ASB11: variants seen among roughly 807,000 people sequenced by gnomAD.
The protein encoded by ASB11 is ankyrin repeat and SOCS box protein 11.
In ASB11, 17 loss-of-function variants were observed where a neutral mutation model predicts 20.1. The ratio of observed to expected loss-of-function variants is 0.85; its 90% CI spans 0.58 to 1.27. The LOEUF (loss-of-function observed/expected upper bound fraction) is 1.27. Ranked by LOEUF, ASB11 falls within the 50% of genes most tolerant of loss-of-function variation. ASB11 has a pLI of 0.00. For synonymous variants in ASB11, 107 were observed against 105.6 expected, an observed-to-expected ratio of 1.01 and a Z score of -0.08; for missense variants, 259 against 256.9, an observed-to-expected ratio of 1.01 and a Z score of -0.06.
At chrX:15,314,377 A>T (rs1432882146) in intron 1 of ASB11, 5 of 1,170,971 alleles carry the variant, frequency 4.3e-6, no homozygotes, top group Non-Finnish European at 5.7e-6. Context: ...ACCTCCCTGA[A>T]ATGTGTGACA....
chrX:15,313,906 G>T (rs1394407945), intron 1 of ASB11, among the ~76,000 whole-genome samples: 2 of 110,191 alleles, frequency 1.8e-5, no homozygotes, highest in Non-Finnish European at 3.8e-5. Flanking sequence ...AAAAAAATTA[G>T]CTGGGCATGG....
At chrX:15,284,077 C>T (rs182460244) in intron 6 of ASB11, among the ~76,000 whole-genome samples, 21,023 of 104,876 alleles carry the variant, frequency 0.2, 1,760 homozygotes, top group East Asian at 0.4. Flanking sequence ...ACGGTGAAAC[C>T]CCGTGTCCAC....
At chrX:15,311,075 C>A (rs1349420011) in intron 1 of ASB11, among the ~76,000 whole-genome samples, 1 of 112,577 alleles carries the variant, frequency 8.9e-6, no homozygotes, top group Non-Finnish European at 1.9e-5. Context: ...TAATTTTGAA[C>A]CAAAATACAG....
chrX:15,285,423 G>A (rs181379002), intron 6 of ASB11, among the ~76,000 whole-genome samples: 1,598 of 110,061 alleles, frequency 0.015, 35 homozygotes, highest in African/African-American at 0.05. Context: ...ACAGGTGTGA[G>A]CCACCGCGCC....
Position 15,283,739 on chromosome X carries a change from C to G in ASB11, c.848-110G>C, listed in dbSNP as rs150900542. 2.9e-3 allele frequency: 2,647 copies of G among 908,975 alleles called. 42 individuals are homozygous for G. In the African/African-American group the frequency reaches 0.044, roughly 15 times the overall value. The allele number at this position is 908,975 out of a possible 1,213,427, so 74.9% of individuals were successfully genotyped here. A position where few individuals can be genotyped will look rare whatever the true frequency, so the allele number is the denominator to read the frequency against. ...AAATTTTCTAAAAGCAGAAGAGAAG[C>G]TGGATCTGTATAGGAACTATAGAAT... On this transcript the variant is annotated intron_variant, in intron 6 of 6. Coordinates refer to ENST00000480796, the MANE Select transcript of ASB11 (RefSeq NM_080873.3).
At chrX:15,314,299 T>C in intron 1 of ASB11, 3 of 1,079,625 alleles carry the variant, frequency 2.8e-6, no homozygotes, top group Non-Finnish European at 3.6e-6. Context: ...TTTCAGATCA[T>C]GCTTAACTTG....
chrX:15,297,725 G>A, intron 2 of ASB11, 44 bp from the exon 3 acceptor site: 1 of 1,137,503 alleles, frequency 8.8e-7, no homozygotes, highest in Non-Finnish European at 1.2e-6. Flanking sequence ...TTTACAGACT[G>A]GGGTCTCACT....
At chrX:15,286,600 G>A (rs540394082) in intron 6 of ASB11, among the ~76,000 whole-genome samples, 2 of 104,174 alleles carry the variant, frequency 1.9e-5, no homozygotes, top group East Asian at 3.0e-4. Flanking sequence ...GGGAGGCAGA[G>A]GTTGCAGTGA....
At chrX:15,284,114 T>A (rs868132175) in intron 6 of ASB11, among the ~76,000 whole-genome samples, 1 of 106,197 alleles carries the variant, frequency 9.4e-6, no homozygotes, top group Non-Finnish European at 1.9e-5. Flanking sequence ...TAGCCGGGTG[T>A]GGTGGCGGGT....
intron 1 of ASB11, chrX:15,314,334 T>C: frequency 1.9e-6 from 2 of 1,051,524 alleles, no homozygotes; most frequent in Non-Finnish European, 1.2e-6. Context: ...CATTACTTTT[T>C]TTTTTTTTTT....
Position 15,288,051 on chromosome X carries a change from T to C in ASB11, c.677A>G (p.Gln226Arg). 2 of 1,210,077 alleles carry C rather than the reference T, an allele frequency of 1.7e-6. No homozygotes were observed. The highest frequency in any genetic ancestry group is 2.2e-6 in the Non-Finnish European group (2 of 894,693). Residue 226 changes from glutamine to arginine, a missense_variant, in exon 6 of 7, where the codon CAG becomes CGG. Transcript: ENST00000480796. ...LELGASVDHG[Q>R]WLDTPLHAAA... ...AGCATGGAGTGGGGTGTCCAGCCAC[T>C]GGCCATGGTCGACACTGGCTCCTTA...
intron 1 of ASB11, among the ~76,000 whole-genome samples, chrX:15,312,488 T>G (rs752010906): frequency 1.3e-5 from 1 of 78,335 alleles, no homozygotes; most frequent in Non-Finnish European, 2.4e-5. Flanking sequence ...ATGAGGCATG[T>G]GGTGTTAAAT....
intron 1 of ASB11, chrX:15,314,523 A>G (rs748818837): frequency 2.3e-5 from 27 of 1,172,413 alleles, no homozygotes; most frequent in Non-Finnish European, 3.0e-5. Flanking sequence ...ATTTCTTTAG[A>G]TAAGACTGCT....
At chrX:15,288,684 G>C (rs773903395) in intron 5 of ASB11, among the ~76,000 whole-genome samples, 157 of 110,875 alleles carry the variant, frequency 1.4e-3, no homozygotes, top group Admixed American at 3.1e-3. Flanking sequence ...AGGAGTTCGA[G>C]ACCAGCCTGG....
chrX:15,311,201 T>C (rs1218739237), intron 1 of ASB11, among the ~76,000 whole-genome samples: 1 of 112,394 alleles, frequency 8.9e-6, no homozygotes, highest in African/African-American at 3.2e-5. Flanking sequence ...AAATAAATAT[T>C]CTCCAGAATG....
chrX:15,286,537 C>T (rs1358612033), intron 6 of ASB11, among the ~76,000 whole-genome samples: 2 of 108,167 alleles, frequency 1.8e-5, no homozygotes, highest in African/African-American at 3.4e-5. Context: ...TGGTGGTGCA[C>T]GCCTGTAGTC....
At chrX:15,311,339 G>A (rs746154724) in intron 1 of ASB11, among the ~76,000 whole-genome samples, 9 of 112,505 alleles carry the variant, frequency 8.0e-5, no homozygotes, top group Admixed American at 4.7e-4. Flanking sequence ...GGAGACTGGT[G>A]GAAGGTAGAG....
intron 1 of ASB11, among the ~76,000 whole-genome samples, chrX:15,305,613 A>ATAGT (rs1382354924): frequency 9.1e-6 from 1 of 110,139 alleles, no homozygotes; most frequent in Non-Finnish European, 1.9e-5. Flanking sequence ...AGATAGATAG[A>ATAGT]TAGATAGATA....
chrX:15,302,582 G>A (rs1393349186), intron 2 of ASB11, 146 bp downstream of exon 2: 3 of 483,305 alleles, frequency 6.2e-6, no homozygotes, highest in Non-Finnish European at 1.0e-5. Flanking sequence ...AGGAGAGGCA[G>A]TGAGGTATGA....
Sources: gnomAD v4.1 joint callset for allele counts (sites outside exome capture counted in the v4.1 genomes callset) on GRCh38, gnomAD v4.1.1 for gene constraint, MANE v1.5 for transcripts, NCBI Gene and HGNC (gene_info 2026-07-23, HGNC 2026-07-21) for gene names.